The following LRRK1 variants were observed in gnomAD, a reference collection of about 807,000 sequenced individuals.
The protein encoded by LRRK1 is leucine-rich repeat serine/threonine-protein kinase 1.
A neutral mutation model predicts 209.1 loss-of-function variants in LRRK1; 113 were observed. The observed-to-expected ratio is 0.54, with a 90% CI of 0.46 to 0.63. The LOEUF is 0.63. Ranked by LOEUF, LRRK1 falls within the 30% of genes least tolerant of loss-of-function variation. LRRK1 has a pLI of 0.00. For synonymous variants in LRRK1, 1,144 were observed against 1,099.7 expected (o/e 1.04, Z -0.80); for missense variants, 2,284 against 2,632.2 (o/e 0.87, Z 2.89).
At position 101,027,449 on chromosome 15, in the gene LRRK1, C is replaced by G. The variant is rs2034086358; in HGVS notation, c.2526+68C>G. 2.5e-6 allele frequency: 4 copies of G among 1,577,374 alleles called. No individual in the cohort carries two copies. Among genetic ancestry groups the G allele is most frequent in the African/African-American group, 1.3e-5 (1 of 74,262 alleles). On this transcript the variant is annotated intron_variant, in intron 18 of 33. Coordinates refer to ENST00000388948, the MANE Select transcript of LRRK1 (RefSeq NM_024652.6). This position sits in a 1 kb window ranked among gnomAD's most constrained non-coding sequence, Gnocchi z 5.1. ...CCCATTGTTGGGGGTCCTCACTTCCCCCTCTCTCCTGTGAAGCCCATGTCT... is the reference window on the plus strand; with the variant it reads ...CCCATTGTTGGGGGTCCTCACTTCCGCCTCTCTCCTGTGAAGCCCATGTCT...
chr15:101,026,370 G>A lies in LRRK1; in HGVS notation c.2405+233G>A, dbSNP rs560690906. On this transcript the variant is annotated intron_variant, in intron 17 of 33. Coordinates refer to ENST00000388948, the MANE Select transcript of LRRK1 (RefSeq NM_024652.6). ...TTTGCTTCCTTTCTGCCCCATCCCC[G>A]CCCCAAGGGCCAGTGCTGAAAATGC... Among the ~76,000 whole-genome samples the A allele has an allele frequency of 3.7e-4, 56 of 152,330 alleles. No individual in the cohort carries two copies. In the South Asian group the frequency reaches 0.011, roughly 29 times the overall value.
At chr15:100,966,319 G>A (rs896970056) in intron 2 of LRRK1, among the ~76,000 whole-genome samples, 2 of 152,142 alleles carry the variant, frequency 1.3e-5, no homozygotes, top group Admixed American at 6.5e-5. Flanking sequence ...GTGAGGAGGG[G>A]CTTTTGCCTT....
intron 23 of LRRK1, among the ~76,000 whole-genome samples, chr15:101,050,464 T>C (rs1408287670): frequency 2.6e-5 from 4 of 151,470 alleles, no homozygotes; most frequent in African/African-American, 9.8e-5. Context: ...GGGGCTGCCC[T>C]GAGAGCTTCA....
chr15:100,986,069 G>A (rs915221902), intron 4 of LRRK1, among the ~76,000 whole-genome samples: 1 of 152,136 alleles, frequency 6.6e-6, no homozygotes, highest in Admixed American at 6.5e-5. Flanking sequence ...AACCAGGCAT[G>A]GTGGCACATG....
At chr15:100,993,592 G>T (rs1022207327) in intron 6 of LRRK1, among the ~76,000 whole-genome samples, 2 of 152,064 alleles carry the variant, frequency 1.3e-5, no homozygotes, top group African/African-American at 4.8e-5. Context: ...TGTCCACTTT[G>T]CCCTGTTTTT....
chr15:101,014,883 TG>T (rs1027926345), intron 11 of LRRK1, among the ~76,000 whole-genome samples: 3 of 152,286 alleles, frequency 2.0e-5, no homozygotes, highest in Admixed American at 2.0e-4. Flanking sequence ...CCCCTAATGG[TG>T]TCCTCTCATT....
chr15:101,040,741 A>T (rs1401763774), intron 20 of LRRK1, among the ~76,000 whole-genome samples: 3 of 152,238 alleles, frequency 2.0e-5, no homozygotes, highest in African/African-American at 7.2e-5. Context: ...AAGATTTTCT[A>T]ATATATCTTA....
intron 4 of LRRK1, among the ~76,000 whole-genome samples, chr15:100,985,672 A>C (rs1350275971): frequency 6.6e-6 from 1 of 152,244 alleles, no homozygotes; most frequent in African/African-American, 2.4e-5. Context: ...CAGAGCAGGA[A>C]GTGTGGCTGA....
At chr15:100,943,762 C>A (rs1368069409) in intron 2 of LRRK1, among the ~76,000 whole-genome samples, 1 of 151,008 alleles carries the variant, frequency 6.6e-6, no homozygotes, top group African/African-American at 2.4e-5. Context: ...ACTGCAACAT[C>A]CGCCTCCTGG....
Position 101,074,835 on chromosome 15 carries a change from G to A in LRRK1, c.*5987G>A, listed in dbSNP as rs1240392608. 1 of 152,028 alleles carries A rather than the reference G, an allele frequency of 6.6e-6. No individual in the cohort carries two copies. Among genetic ancestry groups the A allele is most frequent in the Non-Finnish European group, 1.5e-5 (1 of 68,016 alleles). The allele number at this position is 152,028 out of a possible 1,614,324, so 9.4% of individuals were successfully genotyped here. On this transcript the variant is annotated 3_prime_UTR_variant, in exon 34 of 34. Coordinates refer to ENST00000388948, the MANE Select transcript of LRRK1 (RefSeq NM_024652.6). ...ACAAGTGCCAGAAATCTGGCCACCA[G>A]GCCAAGGAATGCCTGCAGCCCAGGA...
chr15:101,061,081 G>GCT (rs2141153812), intron 29 of LRRK1, 90 bp from the exon 30 acceptor site: 1 of 946,096 alleles, frequency 1.1e-6, no homozygotes, highest in South Asian at 1.4e-5. Context: ...AGGGGAGGTA[G>GCT]ACGAGGCTCG....
At chr15:100,953,540 A>G (rs2042697291) in intron 2 of LRRK1, among the ~76,000 whole-genome samples, 1 of 150,762 alleles carries the variant, frequency 6.6e-6, no homozygotes, top group Non-Finnish European at 1.5e-5. Context: ...ATATACACAC[A>G]TATGTATATG....
intron 21 of LRRK1, among the ~76,000 whole-genome samples, chr15:101,048,090 A>G (rs1237093076): frequency 1.4e-5 from 2 of 138,982 alleles, no homozygotes; most frequent in Non-Finnish European, 3.2e-5. Context: ...TCACAAACAT[A>G]TGGAGATAGA....
chr15:100,959,300 G>A (rs898732254), intron 2 of LRRK1, among the ~76,000 whole-genome samples: 2 of 152,308 alleles, frequency 1.3e-5, no homozygotes, highest in African/African-American at 4.8e-5. Flanking sequence ...AGGCACCCAC[G>A]GCAGTGAGTA....
At chr15:100,941,875 G>A (rs149201220) in intron 2 of LRRK1, among the ~76,000 whole-genome samples, 3 of 152,244 alleles carry the variant, frequency 2.0e-5, no homozygotes, top group Non-Finnish European at 2.9e-5. Flanking sequence ...AGATCCACAG[G>A]AGTCTGCCCA....
chr15:100,925,651 G>A (rs1047912821), intron 2 of LRRK1, among the ~76,000 whole-genome samples: 13 of 152,172 alleles, frequency 8.5e-5, no homozygotes, highest in Admixed American at 1.3e-4. Flanking sequence ...GGATATCATC[G>A]TTTACAAATA....
chr15:100,952,735 G>A (rs1406294382), intron 2 of LRRK1, among the ~76,000 whole-genome samples: 1 of 152,078 alleles, frequency 6.6e-6, no homozygotes, highest in African/African-American at 2.4e-5. Context: ...GTACATCCAC[G>A]TTTTATCACA....
At chr15:101,017,028 A>C (rs1473175070) in intron 12 of LRRK1, among the ~76,000 whole-genome samples, 1 of 152,222 alleles carries the variant, frequency 6.6e-6, no homozygotes, top group Non-Finnish European at 1.5e-5. Context: ...CCTTTCATTA[A>C]ACAACCAGCT....
intron 20 of LRRK1, among the ~76,000 whole-genome samples, chr15:101,039,726 A>G (rs935419639): frequency 9.2e-5 from 14 of 152,204 alleles, no homozygotes; most frequent in East Asian, 3.8e-4. Flanking sequence ...TTTGTTATCC[A>G]TGGAAACTTT....
Sources: gnomAD v4.1 joint callset for allele counts (sites outside exome capture counted in the v4.1 genomes callset) on GRCh38, gnomAD v4.1.1 for gene constraint, Gnocchi (gnomAD v3.1) non-coding constraint, MANE v1.5 for transcripts, NCBI Gene and HGNC (gene_info 2026-07-23, HGNC 2026-07-21) for gene names.